Variants in NCALD observed in about 807,000 individuals in gnomAD.
The protein encoded by NCALD is neurocalcin-delta.
Under a neutral mutation model 18.6 loss-of-function variants are expected in NCALD, and 10 were observed. The ratio of observed to expected loss-of-function variants is 0.54; its 90% CI spans 0.33 to 0.91. The LOEUF is 0.91. Among genes scored for constraint, NCALD ranks in the 40% least tolerant of loss-of-function variants. The pLI is 0.03. For synonymous variants in NCALD, 88 were observed against 87.4 expected, an observed-to-expected ratio of 1.01 and a Z score of -0.04; for missense variants, 184 against 247.6, an observed-to-expected ratio of 0.74 and a Z score of 1.72.
intron 1 of NCALD, among the ~76,000 whole-genome samples, chr8:101,789,393 G>C (rs1481285512): frequency 6.6e-6 from 1 of 152,028 alleles, no homozygotes; most frequent in Non-Finnish European, 1.5e-5. Flanking sequence ...CGGAGACCCT[G>C]ACCAAAAACA....
chr8:101,961,036 T>G (rs1218205803), intron 2 of NCALD, among the ~76,000 whole-genome samples: 1 of 152,176 alleles, frequency 6.6e-6, no homozygotes, highest in Non-Finnish European at 1.5e-5. Context: ...CATTTTGGCT[T>G]ATTTAATCAT....
chr8:102,115,945 C>T (rs894925741), intron 1 of NCALD, among the ~76,000 whole-genome samples: 1 of 148,350 alleles, frequency 6.7e-6, no homozygotes, highest in African/African-American at 2.5e-5. Flanking sequence ...CTTCTGACAG[C>T]CTCTTTCACA....
At chr8:102,046,787 G>GA (rs1823259783) in intron 1 of NCALD, among the ~76,000 whole-genome samples, 1 of 142,858 alleles carries the variant, frequency 7.0e-6, no homozygotes, top group African/African-American at 2.5e-5. Flanking sequence ...CTCACAATGA[G>GA]TTTTTTTTCC....
intron 2 of NCALD, among the ~76,000 whole-genome samples, chr8:101,968,038 C>A (rs1270607604): frequency 6.6e-6 from 1 of 152,120 alleles, no homozygotes; most frequent in Non-Finnish European, 1.5e-5. Flanking sequence ...TGATTGGTTG[C>A]CCCTTAAGAG....
chr8:101,992,910 A>C (rs1439373086), intron 2 of NCALD, among the ~76,000 whole-genome samples: 1 of 151,080 alleles, frequency 6.6e-6, no homozygotes, highest in Non-Finnish European at 1.5e-5. Context: ...CTTTCGAACA[A>C]CCCTATAAAG....
At chr8:101,992,623 T>C (rs1381992932) in intron 2 of NCALD, among the ~76,000 whole-genome samples, 1 of 152,112 alleles carries the variant, frequency 6.6e-6, no homozygotes, top group Non-Finnish European at 1.5e-5. Context: ...TAAACGGGAA[T>C]AATAATGGGT....
chr8:101,912,164 A>C (rs1273550474), intron 3 of NCALD, among the ~76,000 whole-genome samples: 1 of 152,194 alleles, frequency 6.6e-6, no homozygotes, highest in Non-Finnish European at 1.5e-5. Context: ...TAAAATATAA[A>C]ATTTACAAAC....
chr8:102,107,237 T>TATATAC (rs1554598801), intron 1 of NCALD, among the ~76,000 whole-genome samples: 33 of 106,060 alleles, frequency 3.1e-4, no homozygotes, highest in African/African-American at 1.1e-3. Context: ...TATATATATA[T>TATATAC]ATACACATAG....
chr8:101,890,456 T>C (rs1016562240), intron 3 of NCALD, among the ~76,000 whole-genome samples: 1 of 152,202 alleles, frequency 6.6e-6, no homozygotes, highest in Non-Finnish European at 1.5e-5. Context: ...CTAAAATTTA[T>C]ATGAAAACTT....
chr8:102,004,477 G>A (rs1390543980), intron 2 of NCALD, among the ~76,000 whole-genome samples: 1 of 152,152 alleles, frequency 6.6e-6, no homozygotes, highest in Non-Finnish European at 1.5e-5. Context: ...TAGATTCAGT[G>A]CCATCCCCAT....
At chr8:101,698,337 T>A (rs1005978035) in intron 2 of NCALD, among the ~76,000 whole-genome samples, 3 of 152,178 alleles carry the variant, frequency 2.0e-5, no homozygotes, top group African/African-American at 7.2e-5. Context: ...AGAATCAATA[T>A]TGTGAAAATG....
chr8:101,905,051 G>A (rs1044650851), intron 3 of NCALD, among the ~76,000 whole-genome samples: 2 of 152,174 alleles, frequency 1.3e-5, no homozygotes, highest in Non-Finnish European at 2.9e-5. Context: ...TATATTGCAT[G>A]GAACATTCTT....
chr8:102,069,122 C>T (rs1188206271), intron 1 of NCALD, among the ~76,000 whole-genome samples: 1 of 151,532 alleles, frequency 6.6e-6, no homozygotes, highest in African/African-American at 2.4e-5. Context: ...ATCGATTGCA[C>T]AGTATGGCTA....
chr8:101,944,288 C>T (rs372038853), intron 2 of NCALD, among the ~76,000 whole-genome samples: 138 of 152,336 alleles, frequency 9.1e-4, no homozygotes, highest in African/African-American at 3.2e-3. Flanking sequence ...GTAGTTTTCA[C>T]AGGCTGCTTA....
chr8:101,802,413 C>T (rs904363010), intron 4 of NCALD, among the ~76,000 whole-genome samples: 11 of 152,036 alleles, frequency 7.2e-5, no homozygotes, highest in African/African-American at 2.7e-4. Context: ...GCATGTCTCT[C>T]ACTTTAACTT....
At chr8:101,766,737 T>G (rs1303479257) in intron 1 of NCALD, among the ~76,000 whole-genome samples, 1 of 152,098 alleles carries the variant, frequency 6.6e-6, no homozygotes, top group Non-Finnish European at 1.5e-5. Flanking sequence ...CCACCATGCC[T>G]GGCTAATTGT....
intron 1 of NCALD, among the ~76,000 whole-genome samples, chr8:101,770,701 A>G (rs540314955): frequency 2.0e-5 from 3 of 152,182 alleles, no homozygotes; most frequent in South Asian, 2.1e-4. Context: ...TTTCTCTCTC[A>G]AGGCACAGGG....
chr8:101,992,255 T>C (rs1821076325), intron 2 of NCALD, among the ~76,000 whole-genome samples: 1 of 152,208 alleles, frequency 6.6e-6, no homozygotes, highest in Non-Finnish European at 1.5e-5. Context: ...TCCTCTTTCC[T>C]TTCTTCTGCC....
At chr8:101,934,483 G>A (rs190668157) in intron 2 of NCALD, among the ~76,000 whole-genome samples, 1 of 152,020 alleles carries the variant, frequency 6.6e-6, no homozygotes, top group Non-Finnish European at 1.5e-5. Flanking sequence ...AAGGGTTAAA[G>A]AACAAGCAGA....
Sources: gnomAD v4.1 joint callset for allele counts (sites outside exome capture counted in the v4.1 genomes callset) on GRCh38, gnomAD v4.1.1 for gene constraint, MANE v1.5 for transcripts, NCBI Gene and HGNC (gene_info 2026-07-23, HGNC 2026-07-21) for gene names.